Variants in CATSPER1 observed in about 807,000 individuals in gnomAD.
The protein encoded by CATSPER1 is cation channel sperm-associated protein 1.
Under a neutral mutation model 72.7 loss-of-function variants are expected in CATSPER1, and 57 were observed. The ratio of observed to expected loss-of-function variants is 0.78; its 90% CI spans 0.63 to 0.98. The LOEUF is 0.98. CATSPER1 is among the 50% of genes least tolerant of loss of function. The pLI, the probability that CATSPER1 is intolerant of heterozygous loss-of-function variation, is 0.00. For missense variants in CATSPER1, 910 were observed against 1,033.9 expected (o/e 0.88, Z 1.64); for synonymous variants, 363 against 403.0 (o/e 0.90, Z 1.19).
chr11:66,021,195 G>A lies in CATSPER1; in HGVS notation c.1692-10C>T, dbSNP rs199596488. The A allele has an allele frequency of 4.4e-5, 71 of 1,610,834 alleles. No individual in the cohort carries two copies. The African/African-American group carries it at 7.9e-4, about 18-fold the overall frequency. ...GACGCTGGTCAGGAAGCTGTGGGCA[G>A]AAGGAGTGGGGACTGAGTCATCGGT... On this transcript the variant is annotated splice_polypyrimidine_tract_variant and intron_variant, in intron 4 of 11. Coordinates refer to ENST00000312106, the MANE Select transcript of CATSPER1 (RefSeq NM_053054.4).
intron 2 of CATSPER1, 59 bp downstream of exon 2, chr11:66,022,790 G>A: frequency 6.4e-7 from 1 of 1,555,836 alleles, no homozygotes; most frequent in Non-Finnish European, 8.9e-7. Flanking sequence ...TCAGGCCCAC[G>A]GAGGTCCTGG....
At position 66,017,186 on chromosome 11, in the gene CATSPER1, C is replaced by CGGGGGGGGGGGGGGGGGGG. The variant is rs761673284; in HGVS notation, c.2202-13_2202-12insCCCCCCCCCCCCCCCCCCC. The CGGGGGGGGGGGGGGGGGGG allele has an allele frequency of 1.2e-5, 3 of 258,954 alleles. No individual in the cohort carries two copies. The highest frequency in any genetic ancestry group is 2.1e-5 in the Non-Finnish European group (3 of 141,226). The allele number at this position is 258,954 out of a possible 1,614,324, so 16.0% of individuals were successfully genotyped here. A position where few individuals can be genotyped will look rare whatever the true frequency, so the allele number is the denominator to read the frequency against. On this transcript the variant is annotated splice_polypyrimidine_tract_variant and intron_variant, in intron 10 of 11. Transcript: ENST00000312106. ...GGAGCTCCTGCTGCCTGCGGGTGGG[C>CGGGGGGGGGGGGGGGGGGG]GGGGGGGTCGCAGAGACAGGGGCTG... is the stretch of plus-strand genomic sequence containing the variant.
Position 66,025,820 on chromosome 11 carries a change from T to G in CATSPER1, c.560A>C (p.Tyr187Ser). ...CTCGCTGTGGTGGAAGGACTCACTG[T>G]AGGGATTGGGTCCATGGGGGAGGTA... ...GSYLPHGPNP[Y>S]SESFHHSEAS... Residue 187 changes from tyrosine to serine, a missense_variant, in exon 1 of 12, where the codon TAC becomes TCC. Physicochemically the swap from Tyr to Ser is moderately radical, Grantham distance 144 (BLOSUM62 -2). Transcript: ENST00000312106. The G allele has an allele frequency of 6.2e-7, 1 of 1,611,682 alleles. No homozygotes were observed. The highest frequency in any genetic ancestry group is 8.5e-7 in the Non-Finnish European group (1 of 1,179,192).
chr11:66,020,672 C>A lies in CATSPER1; in HGVS notation c.1928-45G>T, dbSNP rs1377559823. Reference sequence around the variant, plus strand: ...GGGCACAGTCAGGCTGTGCTCGCCACCCCCAACCACGACCTGCTCCCTTCC... The same window carrying A: ...GGGCACAGTCAGGCTGTGCTCGCCAACCCCAACCACGACCTGCTCCCTTCC... On this transcript the variant is annotated intron_variant, in intron 6 of 11. Coordinates refer to ENST00000312106, the MANE Select transcript of CATSPER1 (RefSeq NM_053054.4). The surrounding 1 kb of genome is among the most constrained non-coding windows in gnomAD (Gnocchi z 4.5). The A allele has an allele frequency of 6.3e-7, 1 of 1,596,160 alleles. No homozygotes were observed. Among genetic ancestry groups the A allele is most frequent in the Admixed American group, 1.7e-5 (1 of 58,892 alleles).
chr11:66,020,893 G>A lies in CATSPER1; in HGVS notation c.1845C>T (p.Asn615=). 6.2e-7 allele frequency: 1 copy of A among 1,614,084 alleles called. No individual in the cohort carries two copies. The highest frequency in any genetic ancestry group is 8.5e-7 in the Non-Finnish European group (1 of 1,180,036). The stretch of plus-strand genomic sequence containing the variant: ...AGAGGGTGAAGATGGTGGTGAAGAT[G>A]TTCTGGAAGCGCTTGGGGTCAGATT... The part of the protein sequence containing the change: ...FRKSDPKRFQ[N]IFTTIFTLFT... Residue 615 remains asparagine, a synonymous_variant, in exon 6 of 12, where the codon AAC becomes AAT. Coordinates refer to ENST00000312106, the MANE Select transcript of CATSPER1 (RefSeq NM_053054.4). This position sits in a 1 kb window ranked among gnomAD's most constrained non-coding sequence, Gnocchi z 4.5.
intron 10 of CATSPER1, among the ~76,000 whole-genome samples, chr11:66,018,140 G>A (rs977793172): frequency 6.6e-5 from 10 of 151,612 alleles, no homozygotes; most frequent in South Asian, 4.2e-4. Context: ...CCCAGGAGGC[G>A]GAGGTTGCAG....
intron 10 of CATSPER1, among the ~76,000 whole-genome samples, chr11:66,017,653 C>T (rs1039717880): frequency 3.3e-5 from 5 of 150,894 alleles, no homozygotes; most frequent in African/African-American, 4.9e-5. Context: ...CACCACATTA[C>T]CCATTGTCCC....
rs886548153 is a variant in CATSPER1 at position 66,020,009 on chromosome 11, C to T, written c.2125+131G>A. On this transcript the variant is annotated intron_variant, in intron 9 of 11. Transcript: ENST00000312106. This position sits in a 1 kb window ranked among gnomAD's most constrained non-coding sequence, Gnocchi z 4.5. ...CTAGGGTCCTCTGGACTAAAGTCCT[C>T]CTGAGTCTCAAATTCTAAAACTCTA... 3.2e-6 allele frequency: 3 copies of T among 928,220 alleles called. No individual in the cohort carries two copies. The African/African-American group carries it at 5.0e-5, about 15-fold the overall frequency. 57.5% of individuals were successfully genotyped at this position (928,220 alleles called of 1,614,324 possible).
At chr11:66,018,621 C>T (rs1435026838) in intron 10 of CATSPER1, among the ~76,000 whole-genome samples, 2 of 152,158 alleles carry the variant, frequency 1.3e-5, no homozygotes, top group Non-Finnish European at 2.9e-5. Flanking sequence ...ACCCCTGCTG[C>T]TGGGATTAGC....
chr11:66,023,908 A>G (rs942976473), intron 1 of CATSPER1, among the ~76,000 whole-genome samples: 1 of 151,462 alleles, frequency 6.6e-6, no homozygotes, highest in Non-Finnish European at 1.5e-5. Flanking sequence ...GTCCCCATTT[A>G]ATAACACACT....
Position 66,017,193 on chromosome 11 carries a change from G to GGGGGGGGGGGGGGGGGGGGGGGCCC in CATSPER1, c.2202-20_2202-19insGGGCCCCCCCCCCCCCCCCCCCCCC. 2.0e-6 allele frequency: 1 copy of GGGGGGGGGGGGGGGGGGGGGGGCCC among 493,804 alleles called. No individual in the cohort carries two copies. The highest frequency in any genetic ancestry group is 4.0e-6 in the Non-Finnish European group (1 of 252,614). 30.6% of individuals were successfully genotyped at this position (493,804 alleles called of 1,614,324 possible). A position where few individuals can be genotyped will look rare whatever the true frequency, so the allele number is the denominator to read the frequency against. ...CTGCTGCCTGCGGGTGGGCGGGGGG[G>GGGGGGGGGGGGGGGGGGGGGGGCCC]TCGCAGAGACAGGGGCTGGGCTGAC... On this transcript the variant is annotated intron_variant, in intron 10 of 11. Transcript: ENST00000312106.
At chr11:66,018,232 A>G (rs1259752654) in intron 10 of CATSPER1, among the ~76,000 whole-genome samples, 1 of 151,378 alleles carries the variant, frequency 6.6e-6, no homozygotes, top group Non-Finnish European at 1.5e-5. Flanking sequence ...AAGAAAAAAG[A>G]AAAAAAGAGA....
In CATSPER1 at chr11:66,021,538, C is replaced by G; in HGVS notation, c.1649G>C (p.Ser550Thr). 1 of 1,613,912 alleles carries G rather than the reference C, an allele frequency of 6.2e-7. No individual in the cohort carries two copies. Residue 550 changes from serine (S) to threonine (T), a missense_variant, in exon 4 of 12, where the codon AGC becomes ACC. Coordinates refer to ENST00000312106, the MANE Select transcript of CATSPER1 (RefSeq NM_053054.4). ...SLFRILKVFKSLRALRAIRVL... is the reference protein window; with the variant it reads ...SLFRILKVFKTLRALRAIRVL... The stretch of plus-strand genomic sequence containing the variant: ...CCGGATTGCCCTCAGGGCCCGCAGG[C>G]TCTTGAAGACCTTGAGGATCCGGAA...
Position 66,020,676 on chromosome 11 carries a change from C to G in CATSPER1, c.1928-49G>C, listed in dbSNP as rs780377412. ...ACAGTCAGGCTGTGCTCGCCACCCC[C>G]AACCACGACCTGCTCCCTTCCCATA... On this transcript the variant is annotated intron_variant, in intron 6 of 11. Transcript: ENST00000312106. This position sits in a 1 kb window ranked among gnomAD's most constrained non-coding sequence, Gnocchi z 4.5. 1 of 1,597,250 alleles carries G rather than the reference C, an allele frequency of 6.3e-7. No individual in the cohort carries two copies. The highest frequency in any genetic ancestry group is 2.2e-5 in the East Asian group (1 of 44,672).
chr11:66,025,907 T>C lies in CATSPER1; in HGVS notation c.473A>G (p.Asn158Ser). The C allele has an allele frequency of 6.2e-7, 1 of 1,613,300 alleles. No individual in the cohort carries two copies. Among genetic ancestry groups the C allele is most frequent in the Non-Finnish European group, 8.5e-7 (1 of 1,179,790 alleles). Residue 158 changes from asparagine (N) to serine (S), a missense_variant, in exon 1 of 12, where the codon AAT becomes AGT. Physicochemically the swap from Asn to Ser is conservative, Grantham distance 46. Transcript: ENST00000312106. ...HHGRPQYLGE[N>S]LSHYSSGVPH... is the part of the protein sequence containing the mutation. ...CACGCCAGAGGAATAGTGGGATAAA[T>C]TCTCACCGAGATATTGGGGTCTGCC...
At chr11:66,025,041 T>TG in intron 1 of CATSPER1, 123 bp downstream of exon 1, 2 of 1,151,342 alleles carry the variant, frequency 1.7e-6, no homozygotes, top group Middle Eastern at 2.5e-4. Context: ...GAATAGCCAG[T>TG]GGGGGACCTG....
chr11:66,017,299 G>A (rs1374744612), intron 10 of CATSPER1, 125 bp from the exon 11 acceptor site: 42 of 651,430 alleles, frequency 6.4e-5, no homozygotes, highest in South Asian at 1.5e-4. Flanking sequence ...TTATATGACT[G>A]CAGACCTGCA....
chr11:66,021,479 G>T lies in CATSPER1; in HGVS notation c.1691+17C>A. The T allele has an allele frequency of 6.2e-7, 1 of 1,611,610 alleles. No individual in the cohort carries two copies. The highest frequency in any genetic ancestry group is 8.5e-7 in the Non-Finnish European group (1 of 1,179,942). On this transcript the variant is annotated intron_variant, in intron 4 of 11. Coordinates refer to ENST00000312106, the MANE Select transcript of CATSPER1 (RefSeq NM_053054.4). Reference sequence around the variant, plus strand: ...CCTTTGGAGTCCCCACCCCAGGTGGGAGCCGTGGCCACTGACCTGAGCCTC... The same window carrying T: ...CCTTTGGAGTCCCCACCCCAGGTGGTAGCCGTGGCCACTGACCTGAGCCTC...
Position 66,017,043 on chromosome 11 carries a change from G to C in CATSPER1, c.2316+17C>G, listed in dbSNP as rs368797173. 1.2e-6 allele frequency: 2 copies of C among 1,613,082 alleles called. No individual in the cohort carries two copies. The highest frequency in any genetic ancestry group is 3.3e-5 in the Admixed American group (2 of 59,986). The stretch of plus-strand genomic sequence containing the variant: ...GGGTTCCCCTCGCCGGCCCCTTCCC[G>C]CTCCTGCCTGGTTCACCTCAAATGT... On this transcript the variant is annotated intron_variant, in intron 11 of 11. Transcript: ENST00000312106.
Sources: allele counts gnomAD v4.1 joint callset (sites outside exome capture counted in the v4.1 genomes callset), GRCh38; gene constraint gnomAD v4.1.1; non-coding constraint Gnocchi (gnomAD v3.1); transcripts MANE v1.5; gene names NCBI Gene and HGNC (gene_info 2026-07-23, HGNC 2026-07-21).